The following MAPK14 variants were observed in gnomAD, a reference collection of about 807,000 sequenced individuals.
MAPK14 encodes the protein CSAID-binding protein.
A neutral mutation model predicts 49.6 loss-of-function variants in MAPK14; 16 were observed. That is an observed-to-expected ratio of 0.32 (90% CI 0.22 to 0.49). MAPK14 has a LOEUF of 0.49. Ranked by LOEUF, MAPK14 falls within the 20% of genes least tolerant of loss-of-function variation. The probability of loss-of-function intolerance (pLI) is 0.99; values close to 1 mark genes in which losing one functional copy is unlikely to be tolerated. For synonymous variants in MAPK14, 142 were observed against 158.0 expected (o/e 0.90, Z 0.76); for missense variants, 200 against 441.2 (o/e 0.45, Z 4.90).
intron 3 of MAPK14, among the ~76,000 whole-genome samples, chr6:36,069,452 A>G (rs963262149): frequency 1.3e-5 from 2 of 152,204 alleles, no homozygotes; most frequent in Admixed American, 1.3e-4. Flanking sequence ...TCCTGGAAAC[A>G]AGTATAGTGA....
intron 1 of MAPK14, among the ~76,000 whole-genome samples, chr6:36,052,351 A>T (rs1763433588): frequency 6.6e-6 from 1 of 152,176 alleles, no homozygotes; most frequent in Non-Finnish European, 1.5e-5. Flanking sequence ...AGCCACACCC[A>T]TTTTAAAACT....
intron 10 of MAPK14, 59 bp downstream of exon 10, chr6:36,102,708 G>T (rs1311295964): frequency 6.2e-7 from 1 of 1,602,008 alleles, no homozygotes; most frequent in African/African-American, 1.3e-5. Flanking sequence ...TATAAATTGG[G>T]GATTTGAAGA....
Position 36,096,077 on chromosome 6 carries a change from G to A in MAPK14, c.762+11G>A. ...ATCTCCTCAGAGTCTGTGAGTTGATGCTTTGTAATTATCTGCCCTGTTGGG... is the reference window on the plus strand; with the variant it reads ...ATCTCCTCAGAGTCTGTGAGTTGATACTTTGTAATTATCTGCCCTGTTGGG... On this transcript the variant is annotated intron_variant, in intron 9 of 11. Coordinates refer to ENST00000229794, the MANE Select transcript of MAPK14 (RefSeq NM_139012.3). The A allele has an allele frequency of 3.1e-6, 5 of 1,600,306 alleles. No individual in the cohort carries two copies. Among genetic ancestry groups the A allele is most frequent in the Non-Finnish European group, 4.3e-6 (5 of 1,167,872 alleles).
chr6:36,069,726 C>T (rs1316795812), intron 3 of MAPK14, among the ~76,000 whole-genome samples: 1 of 152,138 alleles, frequency 6.6e-6, no homozygotes, highest in Non-Finnish European at 1.5e-5. Flanking sequence ...CTCTCTCTCT[C>T]TGTTGCCATG....
chr6:36,123,297 C>A, the MAPK14 span, among the ~76,000 whole-genome samples: 5 of 152,284 alleles, frequency 3.3e-5, no homozygotes, highest in East Asian at 9.7e-4. Flanking sequence ...CACTCTGGTT[C>A]TTTCACCACC....
chr6:36,063,013 G>A (rs188779494), intron 3 of MAPK14, among the ~76,000 whole-genome samples: 99 of 152,168 alleles, frequency 6.5e-4, no homozygotes, highest in African/African-American at 2.4e-3. Context: ...GTTTCGGTTA[G>A]CACTTTTAAT....
intron 3 of MAPK14, among the ~76,000 whole-genome samples, chr6:36,070,525 A>T (rs1764228494): frequency 6.6e-6 from 1 of 152,212 alleles, no homozygotes; most frequent in Non-Finnish European, 1.5e-5. Context: ...AGTGCTAGTT[A>T]GTGCCTTTGG....
At chr6:36,029,172 A>AT (rs1199126671) in intron 1 of MAPK14, 2 of 152,146 alleles carry the variant, frequency 1.3e-5, no homozygotes, top group South Asian at 2.1e-4. Flanking sequence ...TATTGTAAAT[A>AT]TTTTTTGAGA....
At chr6:36,045,355 A>G (rs1290414343) in intron 1 of MAPK14, among the ~76,000 whole-genome samples, 1 of 152,136 alleles carries the variant, frequency 6.6e-6, no homozygotes, top group African/African-American at 2.4e-5. Context: ...TCCCTGGTTT[A>G]TTACAGGAAT....
intron 8 of MAPK14, among the ~76,000 whole-genome samples, chr6:36,086,703 C>T (rs544748257): frequency 1.2e-3 from 189 of 152,306 alleles, no homozygotes; most frequent in African/African-American, 4.0e-3. Flanking sequence ...CAGCCAAATT[C>T]TACCAGAGGT....
intron 1 of MAPK14, among the ~76,000 whole-genome samples, chr6:36,030,109 AT>A (rs1762481680): frequency 6.6e-6 from 1 of 152,158 alleles, no homozygotes; most frequent in East Asian, 1.9e-4. Context: ...TGCTATTTAA[AT>A]TTTAATGGAG....
intron 9 of MAPK14, among the ~76,000 whole-genome samples, chr6:36,099,763 C>T (rs558306978): frequency 1.3e-5 from 2 of 152,256 alleles, no homozygotes; most frequent in South Asian, 4.1e-4. Context: ...TAGTCTCTTC[C>T]TTGAATGGAT....
rs1763020262 is a variant in MAPK14 at position 36,042,890 on chromosome 6, A to G, written c.117-9809A>G. On this transcript the variant is annotated intron_variant, in intron 1 of 11. Transcript: ENST00000229794. ...GCACTTTGGCAGGCTGAGGCAGGTG[A>G]ATTACTTGAGCTCAGGAGCTCAGGA... 6.1e-5 allele frequency among the ~76,000 whole-genome samples: 9 copies of G among 147,848 alleles called. No homozygotes were observed. In the South Asian group the frequency reaches 1.9e-3, roughly 31 times the overall value.
intron 1 of MAPK14, among the ~76,000 whole-genome samples, chr6:36,042,476 CTTTTTTTTTT>C (rs113286534): frequency 0.025 from 2,517 of 102,674 alleles, 82 homozygotes; most frequent in African/African-American, 0.077. Context: ...GAAGGAATAT[CTTTTTTTTTT>C]TTTTTTTTTT....
At chr6:36,033,086 G>C (rs564674648) in intron 1 of MAPK14, among the ~76,000 whole-genome samples, 89 of 152,100 alleles carry the variant, frequency 5.9e-4, no homozygotes, top group African/African-American at 1.8e-3. Flanking sequence ...AGTGAGAAGG[G>C]TGTGCCCTTT....
At chr6:36,123,977 G>A in the MAPK14 span, among the ~76,000 whole-genome samples, 54 of 151,990 alleles carry the variant, frequency 3.6e-4, 1 homozygote, top group African/African-American at 1.2e-3. Flanking sequence ...AGAGGTGCCC[G>A]ACTCACAGAG....
At chr6:36,094,079 C>T (rs1376558824) in intron 8 of MAPK14, among the ~76,000 whole-genome samples, 1 of 152,220 alleles carries the variant, frequency 6.6e-6, no homozygotes, top group Non-Finnish European at 1.5e-5. Context: ...CCCATTCCTA[C>T]TCTGTCCCAT....
chr6:36,028,250 C>G lies in MAPK14; in HGVS notation c.93C>G (p.Gly31=). 1 of 1,613,318 alleles carries G rather than the reference C, an allele frequency of 6.2e-7. No homozygotes were observed. The highest frequency in any genetic ancestry group is 8.5e-7 in the Non-Finnish European group (1 of 1,179,396). Residue 31 remains glycine, a synonymous_variant, in exon 1 of 12, where the codon GGC becomes GGG. Transcript: ENST00000229794. This position sits in a 1 kb window ranked among gnomAD's most constrained non-coding sequence, Gnocchi z 5.1. ...GTTACCAGAACCTGTCTCCAGTGGG[C>G]TCTGGCGCCTATGGCTCTGTGTGGT... ...PERYQNLSPV[G]SGAYGSVCAA...
intron 8 of MAPK14, among the ~76,000 whole-genome samples, chr6:36,077,321 G>C (rs1764572824): frequency 6.6e-6 from 1 of 152,098 alleles, no homozygotes; most frequent in Admixed American, 6.5e-5. Context: ...TTCTACTTAT[G>C]GAAGATGTTT....
Sources: gnomAD v4.1 joint callset for allele counts (sites outside exome capture counted in the v4.1 genomes callset) on GRCh38, gnomAD v4.1.1 for gene constraint, Gnocchi (gnomAD v3.1) non-coding constraint, MANE v1.5 for transcripts, NCBI Gene and HGNC (gene_info 2026-07-23, HGNC 2026-07-21) for gene names.